Variants in TTC21B observed in about 807,000 individuals in gnomAD.
TTC21B encodes tetratricopeptide repeat domain 21B.
Under a neutral mutation model 175.1 loss-of-function variants are expected in TTC21B, and 127 were observed. The observed-to-expected ratio is 0.73, with a 90% CI of 0.63 to 0.84. TTC21B has a LOEUF of 0.84. Ranked by LOEUF, TTC21B falls within the 40% of genes least tolerant of loss-of-function variation. The probability of loss-of-function intolerance (pLI) is 0.00; values close to 1 mark genes in which losing one functional copy is unlikely to be tolerated. For missense variants in TTC21B, 1,561 were observed against 1,558.3 expected (o/e 1.00, Z -0.03); for synonymous variants, 524 against 524.5 (o/e 1.00, Z 0.01).
intron 22 of TTC21B, among the ~76,000 whole-genome samples, chr2:165,893,761 G>A (rs911287704): frequency 4.6e-5 from 7 of 151,932 alleles, no homozygotes; most frequent in Admixed American, 1.3e-4. Context: ...CCTTTGAGCA[G>A]CCTCAAGGAT....
intron 6 of TTC21B, among the ~76,000 whole-genome samples, chr2:165,937,118 A>T (rs1687178578): frequency 6.6e-6 from 1 of 152,116 alleles, no homozygotes; most frequent in Non-Finnish European, 1.5e-5. Flanking sequence ...AAATAAATGA[A>T]CTATCAAGTC....
intron 1 of TTC21B, 73 bp downstream of exon 1, chr2:165,953,612 C>T (rs1430431853): frequency 8.5e-6 from 13 of 1,532,592 alleles, no homozygotes; most frequent in South Asian, 1.2e-5. Context: ...TCCCTCCGCG[C>T]CCCCGGGCCA....
chr2:165,953,127 T>C (rs1412343574), intron 1 of TTC21B, among the ~76,000 whole-genome samples: 1 of 152,258 alleles, frequency 6.6e-6, no homozygotes, highest in African/African-American at 2.4e-5. Context: ...AGTTATTTTA[T>C]TTTCAAGCCT....
intron 20 of TTC21B, among the ~76,000 whole-genome samples, 167 bp from the exon 21 acceptor site, chr2:165,900,047 T>C (rs1376851618): frequency 7.0e-6 from 1 of 142,558 alleles, no homozygotes; most frequent in Non-Finnish European, 1.5e-5. Context: ...TACCCATCTC[T>C]ATTTTCTCTT....
chr2:165,931,140 A>G (rs1437982937), intron 8 of TTC21B, among the ~76,000 whole-genome samples: 1 of 152,118 alleles, frequency 6.6e-6, no homozygotes, highest in Non-Finnish European at 1.5e-5. Context: ...TTGTTTTTAA[A>G]TAAGAAAATT....
At chr2:165,888,236 A>G (rs1685073573) in intron 25 of TTC21B, 43 bp downstream of exon 25, 1 of 1,401,300 alleles carries the variant, frequency 7.1e-7, no homozygotes, top group Non-Finnish European at 1.0e-6. Flanking sequence ...CTATACTACC[A>G]AATAAAGATA....
chr2:165,928,595 T>C (rs1033416420), intron 11 of TTC21B: 1 of 152,862 alleles, frequency 6.5e-6, no homozygotes, highest in Non-Finnish European at 1.5e-5. Context: ...TGAAAACTAA[T>C]TGCCAATATC....
At chr2:165,920,759 T>C (rs1179893650) in intron 12 of TTC21B, among the ~76,000 whole-genome samples, 2 of 149,028 alleles carry the variant, frequency 1.3e-5, no homozygotes, top group Non-Finnish European at 2.9e-5. Flanking sequence ...ATATTTAAAA[T>C]ATTTTGAAAT....
chr2:165,908,701 T>C (rs1056990520), intron 18 of TTC21B, among the ~76,000 whole-genome samples: 79 of 152,130 alleles, frequency 5.2e-4, no homozygotes, highest in Admixed American at 7.9e-4. Flanking sequence ...TATGAAGGCA[T>C]CTAAGTATGT....
chr2:165,912,408 G>T (rs1194583675), intron 17 of TTC21B, 106 bp downstream of exon 17: 1 of 863,338 alleles, frequency 1.2e-6, no homozygotes, highest in East Asian at 2.4e-5. Context: ...TACAGATTTG[G>T]AGTTTACAAC....
chr2:165,919,300 T>C lies in TTC21B; in HGVS notation c.1650A>G (p.Glu550=), dbSNP rs145926679. 1,630 of 1,614,064 alleles carry C rather than the reference T, an allele frequency of 1.0e-3. 4 individuals carry two copies. Among genetic ancestry groups the C allele is most frequent in the Non-Finnish European group, 1.3e-3 (1,528 of 1,179,972 alleles). ...EKVKLCSQSL[E]LCLSYDFKVR... ...CCTTAAAATCATAGCTCAGACAAAG[T>C]TCAAGAGACTGAGAACACAATTTGA... The change falls in exon 13 of 29, where the codon GAA becomes GAG. Residue 550 remains glutamate (E), a synonymous_variant. Transcript: ENST00000243344.
At chr2:165,930,915 T>C (rs1686883051) in intron 8 of TTC21B, among the ~76,000 whole-genome samples, 1 of 152,028 alleles carries the variant, frequency 6.6e-6, no homozygotes, top group African/African-American at 2.4e-5. Context: ...ATAGCAGTGT[T>C]GTTAGAATAA....
chr2:165,886,950 C>T (rs182485035), intron 25 of TTC21B, among the ~76,000 whole-genome samples: 147 of 152,294 alleles, frequency 9.7e-4, no homozygotes, highest in African/African-American at 3.4e-3. Flanking sequence ...GAGCATGACC[C>T]CTGAGCACAT....
At chr2:165,876,871 C>A (rs1684679763) in intron 27 of TTC21B, among the ~76,000 whole-genome samples, 2 of 152,072 alleles carry the variant, frequency 1.3e-5, no homozygotes, top group African/African-American at 4.8e-5. Flanking sequence ...TGGATTAAGG[C>A]CAGTGGTAGG....
At chr2:165,880,585 AT>A (rs1458452434) in intron 27 of TTC21B, 93 bp downstream of exon 27, 3 of 1,366,774 alleles carry the variant, frequency 2.2e-6, no homozygotes, top group African/African-American at 1.4e-5. Flanking sequence ...CTCAATGTTT[AT>A]TTTGTTTTGA....
At chr2:165,940,194 T>C (rs926578380) in intron 6 of TTC21B, among the ~76,000 whole-genome samples, 1 of 152,136 alleles carries the variant, frequency 6.6e-6, no homozygotes, top group Non-Finnish European at 1.5e-5. Context: ...CCACCACAAC[T>C]ATACTGGGCC....
At chr2:165,898,866 C>T (rs1685458609) in intron 21 of TTC21B, 99 bp from the exon 22 acceptor site, 1 of 772,192 alleles carries the variant, frequency 1.3e-6, no homozygotes, top group Admixed American at 1.9e-5. Context: ...AGATGATAAA[C>T]ATGAGGAGGG....
Position 165,949,719 on chromosome 2 carries a change from CA to C in TTC21B, c.26del (p.Leu9Ter). On this transcript the variant is annotated frameshift_variant, in exon 2 of 29. Transcript: ENST00000243344. LOFTEE classifies it high-confidence loss of function. ...ATCTCTCTTGACAATAGTAATTAAT[CA>C]AAGTCTAAATGGAAATAATGAAAAA... MDSQELKT[L>X]INYYCQERYF... The C allele has an allele frequency of 6.2e-7, 1 of 1,610,500 alleles. No homozygotes were observed. Among genetic ancestry groups the C allele is most frequent in the Non-Finnish European group, 8.5e-7 (1 of 1,177,416 alleles).
intron 27 of TTC21B, chr2:165,879,884 G>C (rs749549414): frequency 2.0e-5 from 3 of 152,232 alleles, no homozygotes; most frequent in Admixed American, 1.3e-4. Context: ...TCCAATCTTA[G>C]GAAGAATGGA....
Sources: gnomAD v4.1 joint callset for allele counts (sites outside exome capture counted in the v4.1 genomes callset) on GRCh38, gnomAD v4.1.1 for gene constraint, MANE v1.5 for transcripts, NCBI Gene and HGNC (gene_info 2026-07-23, HGNC 2026-07-21) for gene names.